PYGO1: variants seen among roughly 807,000 people sequenced by gnomAD.
PYGO1 encodes pygopus family PHD finger 1, also known as pygopus homolog 1.
In PYGO1, 6 loss-of-function variants were observed where a neutral mutation model predicts 29.5. The ratio of observed to expected loss-of-function variants is 0.20; its 90% confidence interval spans 0.11 to 0.40. The LOEUF (loss-of-function observed/expected upper bound fraction) is 0.40, where lower values mean the gene tolerates loss of function less well. Among genes scored for constraint, PYGO1 ranks in the 10% least tolerant of loss-of-function variants. The probability of loss-of-function intolerance (pLI) is 1.00; values close to 1 mark genes in which losing one functional copy is unlikely to be tolerated. For missense variants in PYGO1, 515 were observed against 514.9 expected, an observed-to-expected ratio of 1.00 and a Z score of 0.00; for synonymous variants, 186 against 180.5, an observed-to-expected ratio of 1.03 and a Z score of -0.24.
chr15:55,548,186 AT>A (rs1406853302), intron 2 of PYGO1, among the ~76,000 whole-genome samples: 1 of 151,890 alleles, frequency 6.6e-6, no homozygotes, highest in African/African-American at 2.4e-5. Context: ...CACCCGGCTA[AT>A]TTTTATATTT....
rs2059056410 is a variant in PYGO1 at position 55,587,972 on chromosome 15, G to A, written c.-89C>T. 7 of 1,420,124 alleles carry A rather than the reference G, an allele frequency of 4.9e-6. No individual in the cohort carries two copies. Among genetic ancestry groups the A allele is most frequent in the South Asian group, 4.2e-5 (3 of 71,872 alleles). 88.0% of individuals were successfully genotyped at this position (1,420,124 alleles called of 1,614,324 possible). A position where few individuals can be genotyped will look rare whatever the true frequency, so the allele number is the denominator to read the frequency against. On this transcript the variant is annotated 5_prime_UTR_variant, in exon 1 of 3. Coordinates refer to ENST00000563719, the MANE Select transcript of PYGO1 (RefSeq NM_001367806.1). The stretch of plus-strand genomic sequence containing the variant: ...GGCGGCTCCTCCTCCTCGCGGGGCC[G>A]CTGCGGCTGCGAGGCAAGCCTCGGA...
At chr15:55,578,674 A>G (rs1445624966) in intron 1 of PYGO1, among the ~76,000 whole-genome samples, 1 of 152,286 alleles carries the variant, frequency 6.6e-6, no homozygotes, top group South Asian at 2.1e-4. Flanking sequence ...TGTCTATTCA[A>G]TCCTTTGGCC....
At chr15:55,574,957 A>C (rs56252788) in intron 1 of PYGO1, among the ~76,000 whole-genome samples, 1,649 of 152,306 alleles carry the variant, frequency 0.011, 15 homozygotes, top group Non-Finnish European at 0.017. Flanking sequence ...CCATTTAATA[A>C]CATTAATTCA....
chr15:55,546,936 G>A lies in PYGO1; in HGVS notation c.347C>T (p.Ser116Phe), dbSNP rs761994808. 6.2e-7 allele frequency: 1 copy of A among 1,614,114 alleles called. No individual in the cohort carries two copies. Among genetic ancestry groups the A allele is most frequent in the Non-Finnish European group, 8.5e-7 (1 of 1,179,980 alleles). ...GAGTGAGTAAGGACCACAGTATGGGGAAGACATTCTTGGGGGAACGTGAGG... is the reference window on the plus strand; with the variant it reads ...GAGTGAGTAAGGACCACAGTATGGGAAAGACATTCTTGGGGGAACGTGAGG... ...MPPHVPPRMSSPYCGPYSLRN... is the reference protein window; with the variant it reads ...MPPHVPPRMSFPYCGPYSLRN... Residue 116 changes from serine to phenylalanine, a missense_variant, in exon 3 of 3, where the codon TCC becomes TTC. Ser to Phe is a radical substitution (Grantham distance 155). Coordinates refer to ENST00000563719, the MANE Select transcript of PYGO1 (RefSeq NM_001367806.1).
intron 1 of PYGO1, among the ~76,000 whole-genome samples, chr15:55,570,457 T>C (rs899718486): frequency 3.3e-5 from 5 of 152,134 alleles, no homozygotes; most frequent in Admixed American, 1.3e-4. Context: ...GGAGCTAATA[T>C]TCCTTGCCAT....
At chr15:55,557,589 C>A (rs1351141623) in intron 1 of PYGO1, among the ~76,000 whole-genome samples, 1 of 152,144 alleles carries the variant, frequency 6.6e-6, no homozygotes, top group Admixed American at 6.5e-5. Context: ...ATGCAGAAAT[C>A]CTCAATAAAA....
chr15:55,587,043 A>G (rs547291879), intron 1 of PYGO1, among the ~76,000 whole-genome samples: 1 of 152,366 alleles, frequency 6.6e-6, no homozygotes, highest in African/African-American at 2.4e-5. Context: ...CTTAATGAAC[A>G]GTGAGTACTA....
chr15:55,578,351 T>C (rs908423394), intron 1 of PYGO1, among the ~76,000 whole-genome samples: 5 of 152,168 alleles, frequency 3.3e-5, no homozygotes, highest in African/African-American at 1.2e-4. Flanking sequence ...TATAAGCATG[T>C]TTTCAATCCT....
intron 1 of PYGO1, among the ~76,000 whole-genome samples, chr15:55,579,651 G>C (rs779799784): frequency 1.3e-5 from 2 of 152,084 alleles, no homozygotes; most frequent in Admixed American, 6.6e-5. Context: ...AAAGTGCTGA[G>C]ATTACAGGCA....
rs1466836618 is a variant in PYGO1 at position 55,587,867 on chromosome 15, T to G, written c.17A>C (p.Glu6Ala). The change falls in exon 1 of 3, where the codon GAG (glutamate) becomes GCG (alanine). Residue 6 changes from glutamate to alanine, a missense_variant. By Grantham distance (107) the Glu-to-Ala change is moderately radical (BLOSUM62 -1). Coordinates refer to ENST00000563719, the MANE Select transcript of PYGO1 (RefSeq NM_001367806.1). MSAEQ[E>A]KDPISLKRVR... is the part of the protein sequence containing the mutation. The stretch of plus-strand genomic sequence containing the variant: ...TCTCTTCAGCGAAATGGGATCCTTC[T>G]CCTGTTCTGCTGACATTACAGACCG... 2.0e-6 allele frequency: 3 copies of G among 1,495,892 alleles called. No individual in the cohort carries two copies. The Middle Eastern group carries it at 5.1e-4, about 257-fold the overall frequency. The allele number at this position is 1,495,892 out of a possible 1,614,324, so 92.7% of individuals were successfully genotyped here. A position where few individuals can be genotyped will look rare whatever the true frequency, so the allele number is the denominator to read the frequency against.
intron 1 of PYGO1, among the ~76,000 whole-genome samples, chr15:55,585,374 C>T (rs2059042273): frequency 1.3e-5 from 2 of 152,146 alleles, no homozygotes; most frequent in South Asian, 4.1e-4. Context: ...CCTGCAAACA[C>T]CACATCCTGC....
Position 55,548,894 on chromosome 15 carries a change from G to C in PYGO1, c.135+16C>G, listed in dbSNP as rs1215368413. 9 of 1,601,020 alleles carry C rather than the reference G, an allele frequency of 5.6e-6. No individual in the cohort carries two copies. The African/African-American group carries it at 1.1e-4, about 19-fold the overall frequency. On this transcript the variant is annotated intron_variant, in intron 2 of 2. Coordinates refer to ENST00000563719, the MANE Select transcript of PYGO1 (RefSeq NM_001367806.1). Reference sequence around the variant, plus strand: ...CTAGCAAAGAAAAACTTTTATTAAAGAAAATGTCAGTTTACCTGTGTATTT... The same window carrying C: ...CTAGCAAAGAAAAACTTTTATTAAACAAAATGTCAGTTTACCTGTGTATTT...
chr15:55,568,308 AT>A (rs2058965475), intron 1 of PYGO1, among the ~76,000 whole-genome samples: 1 of 125,944 alleles, frequency 7.9e-6, no homozygotes, highest in Non-Finnish European at 1.6e-5. Context: ...GTTAAGACGT[AT>A]TTCCTAGGTA....
intron 1 of PYGO1, among the ~76,000 whole-genome samples, chr15:55,576,704 G>C (rs1031331893): frequency 2.9e-5 from 4 of 138,878 alleles, no homozygotes; most frequent in Non-Finnish European, 6.0e-5. Flanking sequence ...CCGGGAGGTG[G>C]AGGTTGCAGT....
intron 1 of PYGO1, among the ~76,000 whole-genome samples, chr15:55,551,099 C>T (rs568440607): frequency 6.6e-6 from 1 of 152,322 alleles, no homozygotes; most frequent in Middle Eastern, 3.4e-3. Flanking sequence ...GTAATGCTCG[C>T]TCACCCGCCA....
At chr15:55,567,579 T>G (rs2058962530) in intron 1 of PYGO1, among the ~76,000 whole-genome samples, 1 of 152,190 alleles carries the variant, frequency 6.6e-6, no homozygotes, top group Admixed American at 6.5e-5. Flanking sequence ...ACTCTGTTGT[T>G]TCTTTTGCTA....
intron 1 of PYGO1, among the ~76,000 whole-genome samples, chr15:55,582,753 T>C (rs1462155176): frequency 1.3e-5 from 2 of 152,172 alleles, no homozygotes; most frequent in Non-Finnish European, 2.9e-5. Flanking sequence ...CCAAACTCAC[T>C]TTCCTGATAA....
chr15:55,558,478 C>T (rs1418386393), intron 1 of PYGO1, among the ~76,000 whole-genome samples: 3 of 151,982 alleles, frequency 2.0e-5, no homozygotes, highest in Admixed American at 6.6e-5. Flanking sequence ...ACTTTCTTCA[C>T]AGAATTGGAA....
At position 55,546,969 on chromosome 15, in the gene PYGO1, C is replaced by G; in HGVS notation, c.314G>C (p.Arg105Thr). The change falls in exon 3 of 3, where the codon AGA becomes ACA. Residue 105 changes from arginine to threonine, a missense_variant. Arg to Thr is a moderately conservative substitution (Grantham distance 71). Transcript: ENST00000563719. ...TCTTGGGGGAACGTGAGGTGGCATT[C>G]TGAATGTACTATAGCCTCCAAAGCC... The part of the protein sequence containing the change: ...YPGFGGYSTF[R>T]MPPHVPPRMS... The G allele has an allele frequency of 6.2e-7, 1 of 1,614,030 alleles. No individual in the cohort carries two copies. Among genetic ancestry groups the G allele is most frequent in the East Asian group, 2.2e-5 (1 of 44,868 alleles).
Sources: gnomAD v4.1 joint callset for allele counts (sites outside exome capture counted in the v4.1 genomes callset) on GRCh38, gnomAD v4.1.1 for gene constraint, MANE v1.5 for transcripts, NCBI Gene and HGNC (gene_info 2026-07-23, HGNC 2026-07-21) for gene names.